Variants in BAZ2B observed in about 807,000 individuals in gnomAD.
The protein encoded by BAZ2B is bromodomain adjacent to zinc finger domain protein 2B.
In BAZ2B, 91 loss-of-function variants were observed where a neutral mutation model predicts 246.0. The observed-to-expected ratio is 0.37, with a 90% CI of 0.31 to 0.44. The LOEUF is 0.44. BAZ2B is among the 20% of genes least tolerant of loss of function. BAZ2B has a pLI of 1.00. For missense variants in BAZ2B, 2,332 were observed against 2,533.7 expected (o/e 0.92, Z 1.71); for synonymous variants, 855 against 860.0 (o/e 0.99, Z 0.10).
chr2:159,412,723 G>T (rs1355527270), intron 13 of BAZ2B, among the ~76,000 whole-genome samples, 178 bp from the exon 14 acceptor site: 4 of 151,954 alleles, frequency 2.6e-5, no homozygotes, highest in Non-Finnish European at 5.9e-5. Flanking sequence ...ATGGCCTTTG[G>T]CATAGCTTTA....
chr2:159,373,147 A>T lies in BAZ2B; in HGVS notation c.4111T>A (p.Ser1371Thr). The T allele has an allele frequency of 6.2e-7, 1 of 1,614,042 alleles. No individual in the cohort carries two copies. The highest frequency in any genetic ancestry group is 8.5e-7 in the Non-Finnish European group (1 of 1,179,916). Residue 1371 changes from serine (S) to threonine (T), a missense_variant, in exon 27 of 37, where the codon TCA (serine) becomes ACA (threonine). Ser to Thr is a moderately conservative substitution (Grantham distance 58). Transcript: ENST00000392783. The stretch of plus-strand genomic sequence containing the variant: ...TGGCCAAACATCACTGAACGCAATG[A>T]GTGAGACGCATCAAAGAGCTTCCTT... ...YRRKLFDASH[S>T]LRSVMFGQDR...
intron 1 of BAZ2B, among the ~76,000 whole-genome samples, chr2:159,599,420 A>T (rs533793163): frequency 8.6e-5 from 13 of 151,170 alleles, no homozygotes; most frequent in Non-Finnish European, 1.8e-4. Flanking sequence ...GGAGTTTGAG[A>T]CCAGCCTGAC....
chr2:159,372,179 T>G (rs1209553628), intron 27 of BAZ2B, among the ~76,000 whole-genome samples: 1 of 152,184 alleles, frequency 6.6e-6, no homozygotes, highest in Non-Finnish European at 1.5e-5. Context: ...TTATACAGCT[T>G]TGTGTCTCCT....
Position 159,439,183 on chromosome 2 carries a change from A to C in BAZ2B, c.726T>G (p.Ser242=). ...TGCCTGAATCACTATCACTGTTGCT[A>C]GAACTTTCCATTGCTTTCTTCCTTG... The part of the protein sequence containing the change: ...KKPRKKAMES[S]SNSDSDSGTS... Residue 242 remains serine (S), a synonymous_variant, in exon 7 of 37, where the codon TCT becomes TCG. Coordinates refer to ENST00000392783, the MANE Select transcript of BAZ2B (RefSeq NM_013450.4). 1 of 1,613,882 alleles carries C rather than the reference A, an allele frequency of 6.2e-7. No individual in the cohort carries two copies. Among genetic ancestry groups the C allele is most frequent in the South Asian group, 1.1e-5 (1 of 91,038 alleles).
intron 2 of BAZ2B, among the ~76,000 whole-genome samples, chr2:159,532,949 G>T (rs1235287952): frequency 6.6e-6 from 1 of 152,084 alleles, no homozygotes; most frequent in African/African-American, 2.4e-5. Flanking sequence ...ATAAACAAAG[G>T]TGCGAAAAAC....
the BAZ2B span, among the ~76,000 whole-genome samples, chr2:159,623,319 A>G: frequency 2.6e-5 from 4 of 152,072 alleles, no homozygotes; most frequent in African/African-American, 9.7e-5. Flanking sequence ...GTAATGCACT[A>G]TAACTAACCA....
At chr2:159,469,269 A>G (rs2077478416) in intron 3 of BAZ2B, among the ~76,000 whole-genome samples, 2 of 152,070 alleles carry the variant, frequency 1.3e-5, no homozygotes, top group South Asian at 4.1e-4. Context: ...CTCTCTACCA[A>G]TCATACAGAC....
intron 2 of BAZ2B, among the ~76,000 whole-genome samples, chr2:159,545,868 C>T (rs780758765): frequency 1.3e-5 from 2 of 152,102 alleles, no homozygotes; most frequent in South Asian, 2.1e-4. Flanking sequence ...CACCCTCCAC[C>T]GACTGACTTA....
intron 1 of BAZ2B, among the ~76,000 whole-genome samples, chr2:159,584,619 A>G (rs759382042): frequency 1.5e-4 from 23 of 152,314 alleles, no homozygotes; most frequent in Non-Finnish European, 2.8e-4. Context: ...TTGACGCCTT[A>G]TAAGTGGGAT....
chr2:159,494,177 T>G (rs1362305797), intron 2 of BAZ2B, among the ~76,000 whole-genome samples: 2 of 152,192 alleles, frequency 1.3e-5, no homozygotes, highest in African/African-American at 4.8e-5. Context: ...TCATTTCTAT[T>G]GACTGAACTC....
At chr2:159,426,103 A>C (rs935919758) in intron 13 of BAZ2B, among the ~76,000 whole-genome samples, 3 of 152,178 alleles carry the variant, frequency 2.0e-5, no homozygotes, top group Non-Finnish European at 4.4e-5. Context: ...GCAGCTTAAC[A>C]TATTTGGCTT....
In BAZ2B at chr2:159,483,776, G is replaced by A. The variant is rs906038845; in HGVS notation, c.-2-5055C>T. ...ATTCTGGGCAACAGAGTGAGACTCC[G>A]TCTCAAACAAAAACAAAACCAAAAC... On this transcript the variant is annotated intron_variant, in intron 2 of 36. Transcript: ENST00000392783. 2.8e-4 allele frequency among the ~76,000 whole-genome samples: 42 copies of A among 151,688 alleles called. 1 individual carries two copies. Among genetic ancestry groups the A allele is most frequent in the Non-Finnish European group, 8.8e-5 (6 of 67,968 alleles).
Position 159,536,214 on chromosome 2 carries a change from G to T in BAZ2B, c.-3+19609C>A, listed in dbSNP as rs117032022. On this transcript the variant is annotated intron_variant, in intron 2 of 36. Coordinates refer to ENST00000392783, the MANE Select transcript of BAZ2B (RefSeq NM_013450.4). Reference sequence around the variant, plus strand: ...AGGAGCTCACAATCAAATATTTATTGATTGATTGATTTTTATTTATTTACT... The same window carrying T: ...AGGAGCTCACAATCAAATATTTATTTATTGATTGATTTTTATTTATTTACT... 2.5e-4 allele frequency: 38 copies of T among 152,218 alleles called. No homozygotes were observed. The East Asian group carries it at 5.6e-3, about 22-fold the overall frequency. The allele number at this position is 152,218 out of a possible 1,614,324, so 9.4% of individuals were successfully genotyped here.
chr2:159,366,951 AGCTAAATGGGCATGGGGGCTCTCTTCC>A lies in BAZ2B; in HGVS notation c.4213+6067_4213+6093del, dbSNP rs545568132. ...TGAGAAGGAATAAACCCTCAGTCTT[AGCTAAATGGGCATGGGGGCTCTCTTCC>A]TTCTCTTGTTCCCAAGACCCATCAG... On this transcript the variant is annotated intron_variant, in intron 27 of 36. Coordinates refer to ENST00000392783, the MANE Select transcript of BAZ2B (RefSeq NM_013450.4). 2.3e-3 allele frequency among the ~76,000 whole-genome samples: 354 copies of A among 152,250 alleles called. 2 individuals are homozygous for A. Among genetic ancestry groups the A allele is most frequent in the African/African-American group, 8.3e-3 (343 of 41,554 alleles).
chr2:159,509,942 C>G (rs2082743560), intron 2 of BAZ2B, among the ~76,000 whole-genome samples: 1 of 151,144 alleles, frequency 6.6e-6, no homozygotes, highest in South Asian at 2.1e-4. Context: ...TATATGTACA[C>G]ATATACATAT....
At chr2:159,712,216 G>C in the BAZ2B span, 3 of 151,952 alleles carry the variant, frequency 2.0e-5, 1 homozygote, top group African/African-American at 4.8e-5. Context: ...GACTATAGAC[G>C]GGCGGGGACC....
At chr2:159,519,670 C>CTTT (rs1156978730) in intron 2 of BAZ2B, among the ~76,000 whole-genome samples, 58 of 98,278 alleles carry the variant, frequency 5.9e-4, no homozygotes, top group African/African-American at 8.2e-4. Context: ...GACCTTTCTT[C>CTTT]TTTTTTTTTT....
chr2:159,611,979 C>A (rs1003919244), intron 1 of BAZ2B, among the ~76,000 whole-genome samples: 6 of 151,872 alleles, frequency 4.0e-5, no homozygotes, highest in Non-Finnish European at 8.8e-5. Flanking sequence ...ATTTTAGTAT[C>A]ACATATTTAG....
At chr2:159,575,662 C>T (rs185115793) in intron 1 of BAZ2B, among the ~76,000 whole-genome samples, 10 of 152,164 alleles carry the variant, frequency 6.6e-5, no homozygotes, top group Admixed American at 2.6e-4. Flanking sequence ...TCACTCACTT[C>T]TAAAATTTGA....
Sources: allele counts gnomAD v4.1 joint callset (sites outside exome capture counted in the v4.1 genomes callset), GRCh38; gene constraint gnomAD v4.1.1; transcripts MANE v1.5; gene names NCBI Gene and HGNC (gene_info 2026-07-23, HGNC 2026-07-21).